Variants in HS3ST3B1 observed in about 807,000 individuals in gnomAD.
HS3ST3B1 encodes heparan sulfate-glucosamine 3-sulfotransferase 3B1.
HS3ST3B1 carries 13 observed loss-of-function variants against 21.3 expected under a neutral mutation model. That is an observed-to-expected ratio of 0.61 (90% CI 0.40 to 0.97). The LOEUF (loss-of-function observed/expected upper bound fraction) is 0.97. HS3ST3B1 is among the 50% of genes least tolerant of loss of function. The pLI is 0.00. For missense variants in HS3ST3B1, 459 were observed against 554.8 expected, an observed-to-expected ratio of 0.83 and a Z score of 1.73; for synonymous variants, 234 against 254.8, an observed-to-expected ratio of 0.92 and a Z score of 0.78.
intron 1 of HS3ST3B1, among the ~76,000 whole-genome samples, chr17:14,339,405 T>C (rs1910300651): frequency 1.3e-5 from 2 of 152,166 alleles, no homozygotes; most frequent in African/African-American, 4.8e-5. Context: ...CAGGAATCTA[T>C]TTAAAGAGAG....
chr17:14,345,082 T>C lies in HS3ST3B1; in HGVS notation c.609T>C (p.Ser203=), dbSNP rs918434399. 2 of 1,574,058 alleles carry C rather than the reference T, an allele frequency of 1.3e-6. No individual in the cohort carries two copies. The highest frequency in any genetic ancestry group is 2.2e-5 in the East Asian group (1 of 44,616). Residue 203 remains serine (S), a synonymous_variant, in exon 2 of 2, where the codon AGT becomes AGC. Coordinates refer to ENST00000360954, the MANE Select transcript of HS3ST3B1 (RefSeq NM_006041.3). The stretch of plus-strand genomic sequence containing the variant: ...AGATCACCATGGAGAAGACGCCCAG[T>C]TACTTCGTCACGCGGGAGGCCCCTG... The part of the protein sequence containing the change: ...DGQITMEKTP[S]YFVTREAPAR...
intron 1 of HS3ST3B1, among the ~76,000 whole-genome samples, chr17:14,331,250 G>A (rs1457776625): frequency 6.6e-6 from 1 of 151,992 alleles, no homozygotes; most frequent in Admixed American, 6.6e-5. Flanking sequence ...GTACCCCAGA[G>A]AGCTCACCCG....
At chr17:14,307,461 C>T (rs1230256882) in intron 1 of HS3ST3B1, among the ~76,000 whole-genome samples, 2 of 150,834 alleles carry the variant, frequency 1.3e-5, no homozygotes, top group Non-Finnish European at 3.0e-5. Flanking sequence ...TGTCATATAA[C>T]GTCATTCCAC....
chr17:14,311,301 A>G lies in HS3ST3B1; in HGVS notation c.554+9229A>G, dbSNP rs141120626. ...CTATGTTAACCCAGGCTGGTCTCAA[A>G]CTCCTGGGCTCAAGCAGGTCGTCCT... On this transcript the variant is annotated intron_variant, in intron 1 of 1. Coordinates refer to ENST00000360954, the MANE Select transcript of HS3ST3B1 (RefSeq NM_006041.3). Among the ~76,000 whole-genome samples, 1,100 of 150,712 alleles carry G rather than the reference A, an allele frequency of 7.3e-3. 18 individuals are homozygous for G. The highest frequency in any genetic ancestry group is 0.025 in the African/African-American group (1,028 of 41,032).
intron 1 of HS3ST3B1, among the ~76,000 whole-genome samples, chr17:14,316,775 C>T (rs1909514377): frequency 6.6e-6 from 1 of 152,228 alleles, no homozygotes; most frequent in Non-Finnish European, 1.5e-5. Flanking sequence ...GTTCACACAG[C>T]ACCGGAAACA....
chr17:14,333,982 A>G (rs914581527), intron 1 of HS3ST3B1, among the ~76,000 whole-genome samples: 8 of 151,836 alleles, frequency 5.3e-5, no homozygotes, highest in African/African-American at 1.7e-4. Flanking sequence ...CTGGTCTTGA[A>G]CTCCTAACCT....
intron 1 of HS3ST3B1, among the ~76,000 whole-genome samples, chr17:14,336,413 T>C (rs1910187446): frequency 6.6e-6 from 1 of 152,220 alleles, no homozygotes; most frequent in Non-Finnish European, 1.5e-5. Context: ...ATCAGAATTA[T>C]AGGGCTTTTT....
chr17:14,311,842 T>TCCTCTTCCTTGAAGCA (rs1405047612), intron 1 of HS3ST3B1, among the ~76,000 whole-genome samples: 2 of 152,144 alleles, frequency 1.3e-5, no homozygotes, highest in Non-Finnish European at 2.9e-5. Context: ...CTGCAGGGCC[T>TCCTCTTCCTTGAAGCA]CCTCTTCCTT....
chr17:14,332,213 G>A (rs540405664), intron 1 of HS3ST3B1, among the ~76,000 whole-genome samples: 3 of 152,160 alleles, frequency 2.0e-5, no homozygotes, highest in African/African-American at 4.8e-5. Context: ...GCTGTTTTTG[G>A]GGGGTGAATA....
At chr17:14,321,753 C>T (rs968599419) in intron 1 of HS3ST3B1, among the ~76,000 whole-genome samples, 9 of 151,810 alleles carry the variant, frequency 5.9e-5, no homozygotes, top group South Asian at 4.2e-4. Context: ...GAATTGGGAA[C>T]GAGGAATGAG....
intron 1 of HS3ST3B1, among the ~76,000 whole-genome samples, chr17:14,316,947 C>T (rs1909519382): frequency 6.6e-6 from 1 of 152,252 alleles, no homozygotes; most frequent in Non-Finnish European, 1.5e-5. Context: ...ATCTTATTAT[C>T]TCCTGATACA....
chr17:14,338,831 G>A (rs8073293), intron 1 of HS3ST3B1, among the ~76,000 whole-genome samples: 7,123 of 152,156 alleles, frequency 0.047, 542 homozygotes, highest in African/African-American at 0.16. Context: ...ATGCACTGTG[G>A]CCCAGTTTTT....
At chr17:14,334,343 A>ATATT (rs1910125405) in intron 1 of HS3ST3B1, among the ~76,000 whole-genome samples, 1 of 151,702 alleles carries the variant, frequency 6.6e-6, no homozygotes, top group Admixed American at 6.6e-5. Flanking sequence ...GAAGGTACAG[A>ATATT]TATTTATTTA....
In HS3ST3B1 at chr17:14,302,033, T is replaced by A. The variant is rs1371705909; in HGVS notation, c.515T>A (p.Phe172Tyr). Reference protein sequence around the residue: ...DVRAVGAEPHFFDRSYDKGLA... With the variant: ...DVRAVGAEPHYFDRSYDKGLA... ...CGCGCCGTGGGCGCCGAGCCCCATT[T>A]CTTCGATCGCAGCTACGACAAGGGC... The change falls in exon 1 of 2, where the codon TTC becomes TAC. Residue 172 changes from phenylalanine to tyrosine, a missense_variant. By Grantham distance (22) the Phe-to-Tyr change is conservative. Around this residue, in one of 3 missense-constraint regions of HS3ST3B1, gnomAD observed 317 missense variants for 278.6 expected, o/e 1.14. Transcript: ENST00000360954. The A allele has an allele frequency of 2.5e-6, 4 of 1,607,790 alleles. No homozygotes were observed. The African/African-American group carries it at 5.3e-5, about 21-fold the overall frequency.
In HS3ST3B1 at chr17:14,303,944, C is replaced by T. The variant is rs1374108774; in HGVS notation, c.554+1872C>T. 1 of 152,200 alleles carries T rather than the reference C, an allele frequency of 6.6e-6. No homozygotes were observed. The highest frequency in any genetic ancestry group is 1.5e-5 in the Non-Finnish European group (1 of 68,076). The allele number at this position is 152,200 out of a possible 1,614,324, so 9.4% of individuals were successfully genotyped here. A position where few individuals can be genotyped will look rare whatever the true frequency, so the allele number is the denominator to read the frequency against. ...TCAGGCGGTTTTGAAGCACCTGGGG[C>T]AAGCTATGGAAATCCCCACAGGAAG... is the stretch of plus-strand genomic sequence containing the variant. On this transcript the variant is annotated intron_variant, in intron 1 of 1. Transcript: ENST00000360954. This position sits in a 1 kb window ranked among gnomAD's most constrained non-coding sequence, Gnocchi z 5.7.
chr17:14,336,868 A>T (rs1268332242), intron 1 of HS3ST3B1, among the ~76,000 whole-genome samples: 1 of 152,094 alleles, frequency 6.6e-6, no homozygotes, highest in Non-Finnish European at 1.5e-5. Flanking sequence ...TTATAAAGAA[A>T]GGAGTTTATT....
At chr17:14,341,394 G>T (rs1910379031) in intron 1 of HS3ST3B1, among the ~76,000 whole-genome samples, 1 of 152,152 alleles carries the variant, frequency 6.6e-6, no homozygotes, top group South Asian at 2.1e-4. Context: ...CACAAGTCTT[G>T]CTTCCTTACA....
intron 1 of HS3ST3B1, among the ~76,000 whole-genome samples, chr17:14,336,831 C>T (rs1166005253): frequency 6.6e-6 from 1 of 151,410 alleles, no homozygotes; most frequent in African/African-American, 2.4e-5. Context: ...TTTCCTTTTC[C>T]TTCCTTCCAT....
intron 1 of HS3ST3B1, among the ~76,000 whole-genome samples, chr17:14,341,085 G>T (rs922019336): frequency 3.3e-5 from 5 of 152,234 alleles, no homozygotes; most frequent in African/African-American, 1.2e-4. Context: ...GTCGAGCACA[G>T]TAAATCTGCC....
Sources: gnomAD v4.1 joint callset for allele counts (sites outside exome capture counted in the v4.1 genomes callset) on GRCh38, gnomAD v4.1.1 for gene constraint, gnomAD v4.1.1 regional missense constraint, Gnocchi (gnomAD v3.1) non-coding constraint, MANE v1.5 for transcripts, NCBI Gene and HGNC (gene_info 2026-07-23, HGNC 2026-07-21) for gene names.